Variants in RTCA observed in about 807,000 individuals in gnomAD.
RTCA encodes the protein RNA 3'-terminal phosphate cyclase.
In RTCA, 37 loss-of-function variants were observed where a neutral mutation model predicts 46.1. The ratio of observed to expected loss-of-function variants is 0.80; its 90% CI spans 0.62 to 1.06. RTCA has a LOEUF of 1.06. Ranked by LOEUF, RTCA falls within the 50% of genes least tolerant of loss-of-function variation. RTCA has a pLI of 0.00. For missense variants in RTCA, 435 were observed against 455.5 expected, an observed-to-expected ratio of 0.95 and a Z score of 0.41; for synonymous variants, 164 against 158.3, an observed-to-expected ratio of 1.04 and a Z score of -0.27.
At chr1:100,285,498 C>T (rs1038520006) in intron 9 of RTCA, among the ~76,000 whole-genome samples, 176 bp downstream of exon 9, 2 of 152,136 alleles carry the variant, frequency 1.3e-5, no homozygotes, top group African/African-American at 4.8e-5. Flanking sequence ...TTTTACTTTA[C>T]GTGTCTACAG....
At position 100,266,354 on chromosome 1, in the gene RTCA, G is replaced by C; in HGVS notation, c.-22G>C. The C allele has an allele frequency of 1.2e-6, 2 of 1,607,238 alleles. No homozygotes were observed. The highest frequency in any genetic ancestry group is 1.7e-6 in the Non-Finnish European group (2 of 1,178,204). ...TCTGGCGGAGGCTTTGTCGCTGCGG[G>C]CTGGGCCCCAGGGTGTCCCCCATGG... is the stretch of plus-strand genomic sequence containing the variant. On this transcript the variant is annotated 5_prime_UTR_variant, in exon 1 of 11. Coordinates refer to ENST00000370128, the MANE Select transcript of RTCA (RefSeq NM_003729.4).
rs554259170 is a variant in RTCA at position 100,287,130 on chromosome 1, T to C, written c.926T>C (p.Val309Ala). 1.8e-5 allele frequency: 29 copies of C among 1,580,798 alleles called. No individual in the cohort carries two copies. In the South Asian group the frequency reaches 3.2e-4, roughly 17 times the overall value. Residue 309 changes from valine (V) to alanine (A), a missense_variant, in exon 10 of 11, where the codon GTT (valine) becomes GCT (alanine). Coordinates refer to ENST00000370128, the MANE Select transcript of RTCA (RefSeq NM_003729.4). Reference sequence around the variant, plus strand: ...GTTTTCATGGCATTAGCCAATGGAGTTTCCAGAATAAAAACAGGACCAGTT... The same window carrying C: ...GTTTTCATGGCATTAGCCAATGGAGCTTCCAGAATAAAAACAGGACCAGTT... ...LIVFMALANG[V>A]SRIKTGPVTL...
intron 8 of RTCA, among the ~76,000 whole-genome samples, chr1:100,281,996 G>C (rs146761193): frequency 2.0e-5 from 3 of 152,092 alleles, no homozygotes; most frequent in African/African-American, 7.2e-5. Context: ...GTGAGCCACC[G>C]TGCCGGCCTC....
intron 8 of RTCA, among the ~76,000 whole-genome samples, chr1:100,284,977 C>A (rs1666938070): frequency 6.6e-6 from 1 of 152,158 alleles, no homozygotes; most frequent in Non-Finnish European, 1.5e-5. Flanking sequence ...TAAATTAGTA[C>A]ATTTTAAATA....
Position 100,270,674 on chromosome 1 carries a change from A to T in RTCA, c.408A>T (p.Thr136=), listed in dbSNP as rs760485062. Residue 136 remains threonine, a synonymous_variant, in exon 4 of 11, where the codon ACA becomes ACT. Transcript: ENST00000370128. ...AAATGGCACCACAGATCGATTATACAGTGATGGTAAGGGCTTTTGTTGTTG... is the reference window on the plus strand; with the variant it reads ...AAATGGCACCACAGATCGATTATACTGTGATGGTAAGGGCTTTTGTTGTTG... ...NAEMAPQIDY[T]VMVFKPIVEK... The T allele has an allele frequency of 7.1e-5, 115 of 1,613,744 alleles. No individual in the cohort carries two copies. Among genetic ancestry groups the T allele is most frequent in the Non-Finnish European group, 9.5e-5 (112 of 1,179,898 alleles).
At position 100,270,220 on chromosome 1, in the gene RTCA, A is replaced by T. The variant is rs1452943826; in HGVS notation, c.291-337A>T. Among the ~76,000 whole-genome samples, 3 of 151,824 alleles carry T rather than the reference A, an allele frequency of 2.0e-5. No individual in the cohort carries two copies. In the East Asian group the frequency reaches 5.8e-4, roughly 29 times the overall value. ...ACTTTTGAAGAAGGTTTTATTTTTA[A>T]TTTTTTTTCTTTTTTACTTTTTTGT... On this transcript the variant is annotated intron_variant, in intron 3 of 10. Transcript: ENST00000370128.
intron 4 of RTCA, 133 bp downstream of exon 4, chr1:100,270,813 TTC>T (rs1666047628): frequency 4.3e-6 from 5 of 1,170,576 alleles, no homozygotes; most frequent in Non-Finnish European, 5.9e-6. Context: ...CTTTCTTTCT[TTC>T]TTTTTTTTTT....
intron 3 of RTCA, 62 bp downstream of exon 3, chr1:100,268,357 C>T: frequency 2.2e-6 from 3 of 1,360,026 alleles, no homozygotes; most frequent in South Asian, 2.7e-5. Flanking sequence ...TTGCCACTTT[C>T]TGGGCAAGTT....
At chr1:100,282,097 G>A (rs1294508670) in intron 8 of RTCA, among the ~76,000 whole-genome samples, 1 of 152,162 alleles carries the variant, frequency 6.6e-6, no homozygotes, top group Non-Finnish European at 1.5e-5. Flanking sequence ...AGTTAGAAAA[G>A]CATTAAGATT....
In RTCA at chr1:100,283,621, CTTTGCA is replaced by C. The variant is rs201129101; in HGVS notation, c.800-1606_800-1601del. Among the ~76,000 whole-genome samples the C allele has an allele frequency of 3.5e-3, 530 of 152,138 alleles. 10 individuals are homozygous for C. Among genetic ancestry groups the C allele is most frequent in the Admixed American group, 0.028 (421 of 15,272 alleles). ...ATATTATCTCTAATTTCTATAACAACTTTGCAGCATAATTATTATCATCTCCATCTT... is the reference window on the plus strand; with the variant it reads ...ATATTATCTCTAATTTCTATAACAACGCATAATTATTATCATCTCCATCTT... On this transcript the variant is annotated intron_variant, in intron 8 of 10. Transcript: ENST00000370128.
intron 10 of RTCA, among the ~76,000 whole-genome samples, chr1:100,287,801 T>C (rs1000929471): frequency 2.0e-5 from 3 of 151,610 alleles, no homozygotes; most frequent in Admixed American, 6.6e-5. Context: ...ATTCTTTTTT[T>C]TTTTTTTTTT....
At chr1:100,286,586 T>C (rs1335515038) in intron 9 of RTCA, among the ~76,000 whole-genome samples, 1 of 151,902 alleles carries the variant, frequency 6.6e-6, no homozygotes, top group Admixed American at 6.6e-5. Flanking sequence ...CTTTCTACCA[T>C]ACTTTTGTCT....
rs777236852 is a variant in RTCA at position 100,291,495 on chromosome 1, A to G, written c.1092A>G (p.Pro364=). ...GCCAAGGAATTGGGATGACAAATCC[A>G]AATCTATAGAGTATTTGCCTCTTAA... ...IECQGIGMTN[P]NL Residue 364 remains proline (P), a synonymous_variant, in exon 11 of 11, where the codon CCA becomes CCG. Coordinates refer to ENST00000370128, the MANE Select transcript of RTCA (RefSeq NM_003729.4). 12 of 1,592,934 alleles carry G rather than the reference A, an allele frequency of 7.5e-6. No homozygotes were observed. Among genetic ancestry groups the G allele is most frequent in the Non-Finnish European group, 9.5e-6 (11 of 1,162,118 alleles).
chr1:100,272,069 T>G (rs1666132441), intron 4 of RTCA, among the ~76,000 whole-genome samples: 1 of 152,262 alleles, frequency 6.6e-6, no homozygotes, highest in Non-Finnish European at 1.5e-5. Flanking sequence ...TCCATTCATC[T>G]ATTGAAGGGC....
At position 100,274,746 on chromosome 1, in the gene RTCA, A is replaced by G. The variant is rs901543662; in HGVS notation, c.474-78A>G. 7.4e-6 allele frequency: 10 copies of G among 1,348,226 alleles called. No individual in the cohort carries two copies. The East Asian group carries it at 1.9e-4, about 25-fold the overall frequency. 83.5% of individuals were successfully genotyped at this position (1,348,226 alleles called of 1,614,324 possible). On this transcript the variant is annotated intron_variant, in intron 5 of 10. Coordinates refer to ENST00000370128, the MANE Select transcript of RTCA (RefSeq NM_003729.4). ...GATTACATGTTTGGATATCATTGAC[A>G]TGTCATTTTATTGTAATATAGAGCT...
intron 8 of RTCA, among the ~76,000 whole-genome samples, chr1:100,281,702 A>G (rs1570886248): frequency 6.7e-6 from 1 of 149,252 alleles, no homozygotes; most frequent in Non-Finnish European, 1.5e-5. Context: ...AATTCAGGGC[A>G]TCTCTCTGTT....
intron 8 of RTCA, among the ~76,000 whole-genome samples, chr1:100,283,905 T>C (rs1393370217): frequency 8.5e-6 from 1 of 117,244 alleles, no homozygotes; most frequent in Non-Finnish European, 1.6e-5. Flanking sequence ...CCAGGCAACG[T>C]AGTGAGACCT....
intron 3 of RTCA, 45 bp from the exon 4 acceptor site, chr1:100,270,512 T>C (rs748242482): frequency 1.9e-6 from 3 of 1,600,478 alleles, no homozygotes; most frequent in Non-Finnish European, 2.6e-6. Flanking sequence ...GAAAAGAAAA[T>C]GCAGAAAAGA....
At chr1:100,279,752 T>C (rs4498823) in intron 8 of RTCA, among the ~76,000 whole-genome samples, 117,096 of 151,748 alleles carry the variant, frequency 0.77, 47,102 homozygotes, top group East Asian at 0.95. Flanking sequence ...TGCATTCCAG[T>C]CTGGGTGACA....
Sources: allele counts gnomAD v4.1 joint callset (sites outside exome capture counted in the v4.1 genomes callset), GRCh38; gene constraint gnomAD v4.1.1; transcripts MANE v1.5; gene names NCBI Gene and HGNC (gene_info 2026-07-23, HGNC 2026-07-21).